Variants in TESK2 observed in about 807,000 individuals in gnomAD.
TESK2 encodes dual specificity testis-specific protein kinase 2.
A neutral mutation model predicts 57.1 loss-of-function variants in TESK2; 39 were observed. The observed-to-expected ratio is 0.68, with a 90% confidence interval of 0.53 to 0.89. The LOEUF (loss-of-function observed/expected upper bound fraction) is 0.89, where lower values mean the gene tolerates loss of function less well. Ranked by LOEUF, TESK2 falls within the 40% of genes least tolerant of loss-of-function variation. TESK2 has a pLI of 0.00. For missense variants in TESK2, 646 were observed against 732.1 expected (o/e 0.88, Z 1.36); for synonymous variants, 249 against 267.9 (o/e 0.93, Z 0.69).
intron 2 of TESK2, among the ~76,000 whole-genome samples, chr1:45,455,149 G>T (rs1652021965): frequency 6.6e-6 from 1 of 152,152 alleles, no homozygotes; most frequent in Non-Finnish European, 1.5e-5. Flanking sequence ...TGTTCCTACA[G>T]AATAGGATTT....
At chr1:45,372,062 A>C (rs1349170099) in intron 4 of TESK2, among the ~76,000 whole-genome samples, 1 of 151,916 alleles carries the variant, frequency 6.6e-6, no homozygotes, top group Non-Finnish European at 1.5e-5. Flanking sequence ...CAGCCTGGGC[A>C]ACTTAGCGAG....
chr1:45,423,771 C>G (rs1390230085), intron 2 of TESK2, among the ~76,000 whole-genome samples: 1 of 151,982 alleles, frequency 6.6e-6, no homozygotes, highest in Non-Finnish European at 1.5e-5. Context: ...AAGTATTCGC[C>G]CTCTATAGAA....
chr1:45,481,190 C>A (rs1251304167), intron 1 of TESK2, among the ~76,000 whole-genome samples: 10 of 151,756 alleles, frequency 6.6e-5, no homozygotes, highest in Non-Finnish European at 1.5e-5. Flanking sequence ...ACGGTGAAAC[C>A]CCATCTCCAC....
At position 45,421,801 on chromosome 1, in the gene TESK2, T is replaced by C. The variant is rs756706580; in HGVS notation, c.268A>G (p.Thr90Ala). Reference sequence around the variant, plus strand: ...ATGTTTGCCCGGTTACTGCTCAATGTGTTCATCTTAAGAGCCATCACCTGA... The same window carrying C: ...ATGTTTGCCCGGTTACTGCTCAATGCGTTCATCTTAAGAGCCATCACCTGA... ...SGQVMALKMN[T>A]LSSNRANMLK... Residue 90 changes from threonine to alanine, a missense_variant, in exon 3 of 11, where the codon ACA becomes GCA. Coordinates refer to ENST00000372086, the MANE Select transcript of TESK2 (RefSeq NM_007170.3). The C allele has an allele frequency of 1.9e-6, 3 of 1,614,042 alleles. No individual in the cohort carries two copies. In the South Asian group the frequency reaches 3.3e-5, roughly 18 times the overall value.
intron 2 of TESK2, among the ~76,000 whole-genome samples, chr1:45,448,659 C>T (rs867435145): frequency 3.7e-4 from 57 of 152,206 alleles, no homozygotes; most frequent in South Asian, 2.1e-3. Flanking sequence ...TTATCACCGA[C>T]GGGATGGTAC....
intron 3 of TESK2, 84 bp from the exon 4 acceptor site, chr1:45,386,044 C>G: frequency 9.7e-7 from 1 of 1,031,848 alleles, no homozygotes; most frequent in Non-Finnish European, 1.5e-6. Flanking sequence ...GTTACCCATG[C>G]ATTAGAAACA....
At chr1:45,462,659 C>T (rs1182094360) in intron 1 of TESK2, among the ~76,000 whole-genome samples, 2 of 152,180 alleles carry the variant, frequency 1.3e-5, no homozygotes, top group South Asian at 2.1e-4. Flanking sequence ...ATTTAGGTTG[C>T]TTCCAAATCT....
intron 3 of TESK2, 114 bp downstream of exon 3, chr1:45,421,611 A>C: frequency 7.0e-7 from 1 of 1,437,700 alleles, no homozygotes. Context: ...CCCCAGCAAG[A>C]TAGATTCAGC....
At position 45,385,906 on chromosome 1, in the gene TESK2, T is replaced by G; in HGVS notation, c.393+6A>C. On this transcript the variant is annotated splice_donor_region_variant and intron_variant, in intron 4 of 10. Transcript: ENST00000372086. The stretch of plus-strand genomic sequence containing the variant: ...TACGTTACTTCAACACTTACTGATG[T>G]CTTACCTCTGTAAGTGCATGCAATT... 1 of 1,601,822 alleles carries G rather than the reference T, an allele frequency of 6.2e-7. No individual in the cohort carries two copies.
intron 4 of TESK2, among the ~76,000 whole-genome samples, chr1:45,373,348 G>T (rs1011922811): frequency 6.6e-6 from 1 of 152,180 alleles, no homozygotes; most frequent in Non-Finnish European, 1.5e-5. Flanking sequence ...GTAAGATTTG[G>T]AAAAGGGATA....
At chr1:45,429,932 CT>C (rs1650881808) in intron 2 of TESK2, among the ~76,000 whole-genome samples, 1 of 152,150 alleles carries the variant, frequency 6.6e-6, no homozygotes, top group African/African-American at 2.4e-5. Context: ...TTTGCTTCTG[CT>C]TTTTTAAGCC....
intron 7 of TESK2, 46 bp downstream of exon 7, chr1:45,347,563 G>C (rs1383677997): frequency 6.4e-7 from 1 of 1,565,330 alleles, no homozygotes. Context: ...TCAAAAAAAA[G>C]AAAAAGAAAA....
At chr1:45,437,316 T>C (rs1570730463) in intron 2 of TESK2, among the ~76,000 whole-genome samples, 1 of 152,226 alleles carries the variant, frequency 6.6e-6, no homozygotes, top group East Asian at 1.9e-4. Context: ...ATAATTTTTG[T>C]AGCTGTACTG....
At chr1:45,467,838 T>C (rs1652615755) in intron 1 of TESK2, among the ~76,000 whole-genome samples, 1 of 152,108 alleles carries the variant, frequency 6.6e-6, no homozygotes, top group African/African-American at 2.4e-5. Context: ...TTCAAAATCA[T>C]GGGTGAATTT....
At chr1:45,383,701 A>G (rs1398685721) in intron 4 of TESK2, among the ~76,000 whole-genome samples, 1 of 152,226 alleles carries the variant, frequency 6.6e-6, no homozygotes, top group African/African-American at 2.4e-5. Context: ...TTCAGAGAAC[A>G]ATCACACATG....
At chr1:45,441,442 G>C (rs914797638) in intron 2 of TESK2, among the ~76,000 whole-genome samples, 1 of 152,056 alleles carries the variant, frequency 6.6e-6, no homozygotes, top group African/African-American at 2.4e-5. Context: ...CTCCCAGTGT[G>C]CTGAGATTAC....
At position 45,457,921 on chromosome 1, in the gene TESK2, T is replaced by C. The variant is rs1652173975; in HGVS notation, c.-86-50A>G. 3 of 663,136 alleles carry C rather than the reference T, an allele frequency of 4.5e-6. No homozygotes were observed. In the East Asian group the frequency reaches 8.3e-5, roughly 18 times the overall value. The allele number at this position is 663,136 out of a possible 1,614,324, so 41.1% of individuals were successfully genotyped here. ...CTGAAATCTTTAATGAATAAATACA[T>C]GTAAAGCAATAAATGCTCAATGCAA... On this transcript the variant is annotated intron_variant, in intron 1 of 10. Coordinates refer to ENST00000372086, the MANE Select transcript of TESK2 (RefSeq NM_007170.3).
chr1:45,400,370 A>C (rs977821678), intron 3 of TESK2, among the ~76,000 whole-genome samples: 20 of 152,224 alleles, frequency 1.3e-4, no homozygotes, highest in African/African-American at 4.8e-4. Flanking sequence ...ATTTTAGCCC[A>C]GTGAGACTCT....
chr1:45,375,643 G>C (rs1648388405), intron 4 of TESK2, among the ~76,000 whole-genome samples: 1 of 152,002 alleles, frequency 6.6e-6, no homozygotes, highest in Non-Finnish European at 1.5e-5. Context: ...CATGCCTGTA[G>C]TCCCAGTGCT....
Sources: gnomAD v4.1 joint callset for allele counts (sites outside exome capture counted in the v4.1 genomes callset) on GRCh38, gnomAD v4.1.1 for gene constraint, MANE v1.5 for transcripts, NCBI Gene and HGNC (gene_info 2026-07-23, HGNC 2026-07-21) for gene names.